GRIK4: variants seen among roughly 807,000 people sequenced by gnomAD.
The protein encoded by GRIK4 is glutamate receptor ionotropic, kainate 4.
A neutral mutation model predicts 104.9 loss-of-function variants in GRIK4; 40 were observed. The observed-to-expected ratio is 0.38, with a 90% CI of 0.30 to 0.50. The LOEUF (loss-of-function observed/expected upper bound fraction) is 0.50. Among genes scored for constraint, GRIK4 ranks in the 20% least tolerant of loss-of-function variants. The pLI, the probability that GRIK4 is intolerant of heterozygous loss-of-function variation, is 0.93. For synonymous variants in GRIK4, 485 were observed against 524.9 expected (o/e 0.92, Z 1.04); for missense variants, 1,047 against 1,308.1 (o/e 0.80, Z 3.08).
Position 120,875,126 on chromosome 11 carries a change from C to G in GRIK4, c.1060-13C>G. On this transcript the variant is annotated splice_polypyrimidine_tract_variant and intron_variant, in intron 10 of 20. Transcript: ENST00000527524. The stretch of plus-strand genomic sequence containing the variant: ...GGCCTGTTTGGTGCTGTAACTCACT[C>G]TCTCTTGGACAGGTAGAATTGGAAG... 1.9e-6 allele frequency: 3 copies of G among 1,555,484 alleles called. No homozygotes were observed. Among genetic ancestry groups the G allele is most frequent in the Non-Finnish European group, 2.7e-6 (3 of 1,127,098 alleles).
intron 1 of GRIK4, among the ~76,000 whole-genome samples, chr11:120,603,556 T>G (rs1180609735): frequency 1.3e-5 from 2 of 152,218 alleles, no homozygotes; most frequent in African/African-American, 4.8e-5. Flanking sequence ...ATCATCCACC[T>G]TGCTTTATTT....
chr11:120,857,458 A>G (rs1356050845), intron 8 of GRIK4, among the ~76,000 whole-genome samples: 4 of 151,772 alleles, frequency 2.6e-5, no homozygotes, highest in African/African-American at 9.7e-5. Context: ...GGACCCTTAC[A>G]TACCATTGTA....
intron 1 of GRIK4, among the ~76,000 whole-genome samples, chr11:120,523,679 C>T (rs562777735): frequency 6.6e-6 from 1 of 152,192 alleles, no homozygotes; most frequent in Admixed American, 6.5e-5. Context: ...CTTTGTGGTT[C>T]GGTGTTGCCC....
At chr11:120,599,713 C>T (rs1012705434) in intron 1 of GRIK4, among the ~76,000 whole-genome samples, 2 of 152,222 alleles carry the variant, frequency 1.3e-5, no homozygotes, top group Non-Finnish European at 2.9e-5. Flanking sequence ...TTTGGGTATT[C>T]CTGGGGTGTG....
Position 120,815,438 on chromosome 11 carries a change from C to G in GRIK4, c.308C>G (p.Ser103Cys). Residue 103 changes from serine (S) to cysteine (C), a missense_variant, in exon 5 of 21, where the codon TCC becomes TGC. Ser to Cys is a moderately radical substitution (Grantham distance 112). This residue lies in a region of GRIK4 where 447 missense variants were observed against 514.9 expected (regional missense o/e 0.87). Transcript: ENST00000527524. ...CTCGGACCATCGTCCAGCCCAGCCTCCAGCTCCATCATCAGCAACATCTGT... is the reference window on the plus strand; with the variant it reads ...CTCGGACCATCGTCCAGCCCAGCCTGCAGCTCCATCATCAGCAACATCTGT... ...AVLGPSSSPA[S>C]SSIISNICGE... The G allele has an allele frequency of 6.4e-7, 1 of 1,552,344 alleles. No homozygotes were observed. Among genetic ancestry groups the G allele is most frequent in the African/African-American group, 1.4e-5 (1 of 73,344 alleles).
chr11:120,696,555 G>C (rs1016548156), intron 3 of GRIK4, among the ~76,000 whole-genome samples: 2 of 151,920 alleles, frequency 1.3e-5, no homozygotes, highest in African/African-American at 4.8e-5. Context: ...TGGGGTTGAA[G>C]AAGGGGACTC....
Position 120,747,607 on chromosome 11 carries a change from G to A in GRIK4, c.83-55086G>A, listed in dbSNP as rs182300706. ...ACTTTGGAGGTCTTCAGAACAATAC[G>A]AGGTGAAGGAGGGAGAAGAGGCTGC... On this transcript the variant is annotated intron_variant, in intron 3 of 20. Transcript: ENST00000527524. Among the ~76,000 whole-genome samples the A allele has an allele frequency of 2.0e-4, 30 of 152,322 alleles. No individual in the cohort carries two copies. In the East Asian group the frequency reaches 5.8e-3, roughly 29 times the overall value.
intron 11 of GRIK4, among the ~76,000 whole-genome samples, chr11:120,884,684 C>G (rs1377880873): frequency 6.6e-6 from 1 of 152,234 alleles, no homozygotes; most frequent in Non-Finnish European, 1.5e-5. Flanking sequence ...TGGTCCCACT[C>G]CTATGAGAAT....
At chr11:120,853,242 T>C (rs989777076) in intron 8 of GRIK4, among the ~76,000 whole-genome samples, 19 of 152,144 alleles carry the variant, frequency 1.2e-4, no homozygotes, top group African/African-American at 4.6e-4. Context: ...GCAGGAATCA[T>C]AGCATGAAAA....
chr11:120,775,562 T>C (rs2135463386), intron 3 of GRIK4, among the ~76,000 whole-genome samples: 1 of 152,368 alleles, frequency 6.6e-6, no homozygotes, highest in East Asian at 1.9e-4. Context: ...TTGGAAATGC[T>C]TACTACGTGT....
At chr11:120,635,000 G>A (rs1441619215) in intron 1 of GRIK4, among the ~76,000 whole-genome samples, 2 of 152,200 alleles carry the variant, frequency 1.3e-5, no homozygotes, top group African/African-American at 4.8e-5. Flanking sequence ...AGACAGACCA[G>A]GGAGGCCAGA....
chr11:120,621,881 T>TTTA (rs1015464235), intron 1 of GRIK4, among the ~76,000 whole-genome samples: 12 of 151,992 alleles, frequency 7.9e-5, no homozygotes, highest in Admixed American at 2.6e-4. Context: ...ATATATGTCA[T>TTTA]TTATTATTAT....
chr11:120,641,364 T>C (rs541581278), intron 1 of GRIK4, among the ~76,000 whole-genome samples: 1 of 151,632 alleles, frequency 6.6e-6, no homozygotes, highest in African/African-American at 2.4e-5. Flanking sequence ...TAAATTGAAC[T>C]GTAAAAGTTA....
intron 3 of GRIK4, among the ~76,000 whole-genome samples, chr11:120,758,505 C>A (rs1951691013): frequency 6.6e-6 from 1 of 152,172 alleles, no homozygotes; most frequent in African/African-American, 2.4e-5. Flanking sequence ...ATAACCAGGG[C>A]TCCAGCATTG....
At chr11:120,628,651 TGGAGGA>T (rs772314736) in intron 1 of GRIK4, among the ~76,000 whole-genome samples, 126 of 152,008 alleles carry the variant, frequency 8.3e-4, no homozygotes, top group Non-Finnish European at 1.5e-3. Context: ...CACTGATGGG[TGGAGGA>T]GGAGAAGGGA....
At chr11:120,606,592 C>CTTCT (rs770924877) in intron 1 of GRIK4, among the ~76,000 whole-genome samples, 17 of 152,326 alleles carry the variant, frequency 1.1e-4, no homozygotes, top group Non-Finnish European at 2.4e-4. Flanking sequence ...GAAGCACCTA[C>CTTCT]TAAGTGTTAG....
At chr11:120,571,194 A>G (rs905105839) in intron 1 of GRIK4, among the ~76,000 whole-genome samples, 2 of 151,982 alleles carry the variant, frequency 1.3e-5, no homozygotes, top group East Asian at 1.9e-4. Flanking sequence ...TACATTCCCT[A>G]TTTCTGAGAC....
At chr11:120,806,182 C>T (rs983759512) in intron 4 of GRIK4, among the ~76,000 whole-genome samples, 8 of 152,120 alleles carry the variant, frequency 5.3e-5, no homozygotes, top group South Asian at 2.1e-4. Context: ...CACATTTGAA[C>T]GGGCTTCCTC....
chr11:120,530,859 C>T (rs1018163434), intron 1 of GRIK4, among the ~76,000 whole-genome samples: 13 of 152,128 alleles, frequency 8.5e-5, no homozygotes, highest in African/African-American at 2.9e-4. Flanking sequence ...TGTTAGACCC[C>T]GCTTCCCTAC....
Sources: gnomAD v4.1 joint callset for allele counts (sites outside exome capture counted in the v4.1 genomes callset) on GRCh38, gnomAD v4.1.1 for gene constraint, gnomAD v4.1.1 regional missense constraint, MANE v1.5 for transcripts, NCBI Gene and HGNC (gene_info 2026-07-23, HGNC 2026-07-21) for gene names.